SLC2A9: variants seen among roughly 807,000 people sequenced by gnomAD.
SLC2A9 encodes the protein solute carrier family 2 member 9.
Under a neutral mutation model 50.6 loss-of-function variants are expected in SLC2A9, and 39 were observed. The ratio of observed to expected loss-of-function variants is 0.77; its 90% CI spans 0.60 to 1.01. SLC2A9 has a LOEUF of 1.01. Ranked by LOEUF, SLC2A9 falls within the 50% of genes least tolerant of loss-of-function variation. The pLI, the probability that SLC2A9 is intolerant of heterozygous loss-of-function variation, is 0.00. For missense variants in SLC2A9, 686 were observed against 677.6 expected, an observed-to-expected ratio of 1.01 and a Z score of -0.14; for synonymous variants, 324 against 276.9, an observed-to-expected ratio of 1.17 and a Z score of -1.69.
chr4:9,938,213 T>C (rs1747449950), intron 6 of SLC2A9, among the ~76,000 whole-genome samples: 1 of 152,068 alleles, frequency 6.6e-6, no homozygotes, highest in South Asian at 2.1e-4. Context: ...TATAAAGTCA[T>C]AATATTTCAG....
chr4:9,896,517 T>C (rs1032530779), intron 8 of SLC2A9, among the ~76,000 whole-genome samples: 1 of 152,216 alleles, frequency 6.6e-6, no homozygotes, highest in African/African-American at 2.4e-5. Context: ...CTCTCAAATG[T>C]GTTTTATAGG....
chr4:9,964,061 C>T (rs115941095), intron 5 of SLC2A9, among the ~76,000 whole-genome samples: 135 of 152,200 alleles, frequency 8.9e-4, no homozygotes, highest in Middle Eastern at 6.8e-3. Context: ...AGGTCTAAAC[C>T]CTGCAGAGGG....
chr4:9,973,202 G>T (rs907238024), intron 5 of SLC2A9, among the ~76,000 whole-genome samples: 1 of 152,128 alleles, frequency 6.6e-6, no homozygotes, highest in African/African-American at 2.4e-5. Flanking sequence ...TAGAGGAAAT[G>T]AATAAGTTCC....
At chr4:9,859,907 C>G (rs1731342218) in intron 10 of SLC2A9, among the ~76,000 whole-genome samples, 1 of 152,190 alleles carries the variant, frequency 6.6e-6, no homozygotes, top group Non-Finnish European at 1.5e-5. Context: ...AAGGCCGAAC[C>G]ATTTCCAGAT....
intron 3 of SLC2A9, among the ~76,000 whole-genome samples, chr4:9,811,697 T>A (rs184873141): frequency 6.6e-6 from 1 of 152,182 alleles, no homozygotes; most frequent in Non-Finnish European, 1.5e-5. Flanking sequence ...ATGCACAGAA[T>A]TGTAAGGAAA....
intron 3 of SLC2A9, among the ~76,000 whole-genome samples, chr4:9,792,030 G>C (rs553961671): frequency 1.3e-5 from 2 of 152,264 alleles, no homozygotes; most frequent in East Asian, 3.9e-4. Flanking sequence ...CAACCTGGAT[G>C]AAAATATTCA....
At chr4:9,783,115 C>A (rs376696753) in intron 3 of SLC2A9, 3 of 1,614,122 alleles carry the variant, frequency 1.9e-6, no homozygotes, top group African/African-American at 2.7e-5. Context: ...ATGCCTTCAA[C>A]GCCGACTTTC....
intron 3 of SLC2A9, chr4:9,782,313 T>C (rs2108850887): frequency 6.2e-7 from 1 of 1,614,032 alleles, no homozygotes; most frequent in South Asian, 1.1e-5. Context: ...CTGCTGGTCA[T>C]GCCCTGGAAG....
At chr4:9,816,957 G>A (rs766313079) in intron 3 of SLC2A9, among the ~76,000 whole-genome samples, 1 of 152,098 alleles carries the variant, frequency 6.6e-6, no homozygotes, top group Non-Finnish European at 1.5e-5. Context: ...GAATCTTTAG[G>A]GGATAATACA....
In SLC2A9 at chr4:9,864,090, T is replaced by C. The variant is rs116722880; in HGVS notation, c.1291+23477A>G. ...CAAGACCATGCTTCAGTCTGCAAGT[T>C]CCCCTAACAAATCACCCTATACCAT... On this transcript the variant is annotated intron_variant, in intron 10 of 11. Coordinates refer to ENST00000264784, the MANE Select transcript of SLC2A9 (RefSeq NM_020041.3). 3.4e-3 allele frequency among the ~76,000 whole-genome samples: 518 copies of C among 152,130 alleles called. 13 individuals are homozygous for C. The highest frequency in any genetic ancestry group is 0.011 in the African/African-American group (467 of 41,402).
At chr4:9,814,417 G>A (rs1723293963) in intron 3 of SLC2A9, among the ~76,000 whole-genome samples, 1 of 152,206 alleles carries the variant, frequency 6.6e-6, no homozygotes, top group Admixed American at 6.5e-5. Flanking sequence ...TCCAAGAAGT[G>A]CTAAAAAACT....
At chr4:9,818,396 G>T (rs747029743) in intron 3 of SLC2A9, among the ~76,000 whole-genome samples, 4 of 152,218 alleles carry the variant, frequency 2.6e-5, no homozygotes, top group Admixed American at 6.5e-5. Flanking sequence ...AACAGGTAAG[G>T]GGAACTTTAT....
At chr4:9,990,610 C>A (rs1578216626) in intron 3 of SLC2A9, among the ~76,000 whole-genome samples, 1 of 152,120 alleles carries the variant, frequency 6.6e-6, no homozygotes, top group East Asian at 1.9e-4. Flanking sequence ...GCTTTCCCGG[C>A]TCATGCGTCT....
intron 5 of SLC2A9, among the ~76,000 whole-genome samples, chr4:9,954,606 G>C (rs918824639): frequency 1.3e-5 from 2 of 152,138 alleles, no homozygotes; most frequent in Non-Finnish European, 2.9e-5. Context: ...TAGCGGCCCT[G>C]GGTGAGTGGG....
At chr4:9,832,274 C>T (rs552740612) in intron 11 of SLC2A9, among the ~76,000 whole-genome samples, 1 of 152,286 alleles carries the variant, frequency 6.6e-6, no homozygotes, top group Admixed American at 6.5e-5. Context: ...TGACTCAGAA[C>T]TTGTTAGCCC....
chr4:9,915,161 T>G (rs1742633625), intron 7 of SLC2A9, among the ~76,000 whole-genome samples: 1 of 152,224 alleles, frequency 6.6e-6, no homozygotes, highest in Admixed American at 6.5e-5. Context: ...ATAGCCTCCC[T>G]GGTGGTCTCA....
At chr4:9,812,279 T>C (rs1722986895) in intron 3 of SLC2A9, among the ~76,000 whole-genome samples, 1 of 152,200 alleles carries the variant, frequency 6.6e-6, no homozygotes, top group Non-Finnish European at 1.5e-5. Flanking sequence ...TTACTATGTG[T>C]AGAAACTGCG....
chr4:9,922,752 T>C (rs1744176423), intron 6 of SLC2A9: 1 of 152,316 alleles, frequency 6.6e-6, no homozygotes, highest in Non-Finnish European at 1.5e-5. Context: ...TCTTCTCCCA[T>C]CCTTGTCACT....
chr4:10,014,044 C>T (rs1259589297), intron 2 of SLC2A9, among the ~76,000 whole-genome samples: 1 of 152,158 alleles, frequency 6.6e-6, no homozygotes, highest in African/African-American at 2.4e-5. Context: ...TTCTCCTTCT[C>T]GAGAGCCCAG....
Sources: gnomAD v4.1 joint callset for allele counts (sites outside exome capture counted in the v4.1 genomes callset) on GRCh38, gnomAD v4.1.1 for gene constraint, MANE v1.5 for transcripts, NCBI Gene and HGNC (gene_info 2026-07-23, HGNC 2026-07-21) for gene names.